ROBO2: variants seen among roughly 807,000 people sequenced by gnomAD.
ROBO2 encodes roundabout homolog 2.
In ROBO2, 53 loss-of-function variants were observed where a neutral mutation model predicts 160.8. The ratio of observed to expected loss-of-function variants is 0.33; its 90% CI spans 0.26 to 0.41. ROBO2 has a LOEUF of 0.41. Among genes scored for constraint, ROBO2 ranks in the 10% least tolerant of loss-of-function variants. The pLI is 1.00. For missense variants in ROBO2, 1,577 were observed against 1,722.4 expected (o/e 0.92, Z 1.49); for synonymous variants, 664 against 611.7 (o/e 1.09, Z -1.26).
chr3:76,806,216 T>TGC (rs2064699187), intron 2 of ROBO2, among the ~76,000 whole-genome samples: 1 of 146,094 alleles, frequency 6.8e-6, no homozygotes, highest in African/African-American at 2.5e-5. Flanking sequence ...TCTGTGTGCG[T>TGC]GTGTGTGTGT....
intron 2 of ROBO2, among the ~76,000 whole-genome samples, chr3:76,015,068 T>C (rs2066367295): frequency 6.6e-6 from 1 of 152,206 alleles, no homozygotes; most frequent in Non-Finnish European, 1.5e-5. Flanking sequence ...AAACCTGTTA[T>C]AGTCCAGTCT....
At chr3:76,199,341 A>T (rs1702410358) in intron 2 of ROBO2, among the ~76,000 whole-genome samples, 2 of 152,134 alleles carry the variant, frequency 1.3e-5, no homozygotes, top group South Asian at 4.1e-4. Context: ...AGCCAGCTAG[A>T]AAAATGGGTA....
intron 2 of ROBO2, chr3:76,310,964 C>G (rs904675275): frequency 6.6e-6 from 1 of 152,242 alleles, no homozygotes. Context: ...TTTCCCTTTT[C>G]TGCTGGACAC....
At chr3:76,000,787 G>T in intron 2 of ROBO2, among the ~76,000 whole-genome samples, 1 of 152,062 alleles carries the variant, frequency 6.6e-6, no homozygotes. Flanking sequence ...TTTTACTCTA[G>T]TATATTTAAT....
intron 2 of ROBO2, among the ~76,000 whole-genome samples, chr3:76,422,075 G>GT (rs2076019946): frequency 6.6e-6 from 1 of 152,190 alleles, no homozygotes; most frequent in Admixed American, 6.5e-5. Flanking sequence ...ACCTGACCCT[G>GT]TAGAGCAACA....
chr3:77,044,110 G>A (rs1285052462), intron 1 of ROBO2, among the ~76,000 whole-genome samples: 3 of 151,364 alleles, frequency 2.0e-5, no homozygotes, highest in Non-Finnish European at 2.9e-5. Context: ...TTGATGCTAC[G>A]CAACATGTGG....
chr3:77,037,072 G>A (rs1274710988), upstream of ROBO2, among the ~76,000 whole-genome samples: 2 of 152,014 alleles, frequency 1.3e-5, no homozygotes, highest in East Asian at 3.8e-4. Flanking sequence ...AGAAGGTAAT[G>A]TCTTTGTTCT....
At chr3:75,968,340 T>A (rs1451098313) in intron 2 of ROBO2, among the ~76,000 whole-genome samples, 3 of 151,582 alleles carry the variant, frequency 2.0e-5, no homozygotes, top group Non-Finnish European at 4.4e-5. Context: ...GTCTCCTTCC[T>A]CTGCTTATCT....
intron 2 of ROBO2, among the ~76,000 whole-genome samples, chr3:76,777,668 A>G (rs1039865910): frequency 2.0e-5 from 3 of 150,940 alleles, no homozygotes; most frequent in Non-Finnish European, 4.5e-5. Flanking sequence ...TTGATCTAAA[A>G]ATTGCACGTG....
At chr3:76,498,845 T>C (rs2080305507) in intron 2 of ROBO2, among the ~76,000 whole-genome samples, 2 of 152,016 alleles carry the variant, frequency 1.3e-5, no homozygotes, top group Admixed American at 1.3e-4. Context: ...CCCACCACCA[T>C]GCCTGGCTGA....
intron 2 of ROBO2, among the ~76,000 whole-genome samples, chr3:77,383,918 G>C (rs2073825619): frequency 1.3e-5 from 2 of 152,098 alleles, no homozygotes; most frequent in Non-Finnish European, 2.9e-5. Flanking sequence ...GACATTAACT[G>C]TATGTGTTTA....
rs1265955005 is a variant in ROBO2, at chr3:76,878,941, C to A, written c.110-219073C>A. 2.5e-4 allele frequency among the ~76,000 whole-genome samples: 38 copies of A among 151,632 alleles called. No homozygotes were observed. In the Admixed American group the frequency reaches 2.5e-3, roughly 10 times the overall value. ...GTATTTACAGAGAGAAATAGTACGG[C>A]TAAAGTTTCTAATATTAAAAAGAAA... On this transcript the variant is annotated intron_variant, in intron 2 of 26. Transcript: ENST00000487694.
At chr3:75,950,296 A>G (rs1392879043) in intron 2 of ROBO2, among the ~76,000 whole-genome samples, 1 of 152,136 alleles carries the variant, frequency 6.6e-6, no homozygotes, top group African/African-American at 2.4e-5. Flanking sequence ...TCCTCCTCAC[A>G]TTCCCAAATC....
At chr3:76,795,040 GTTATAT>G (rs2063598146) in intron 2 of ROBO2, among the ~76,000 whole-genome samples, 1 of 152,158 alleles carries the variant, frequency 6.6e-6, no homozygotes, top group Non-Finnish European at 1.5e-5. Context: ...GTGTATGAAA[GTTATAT>G]TTATATATAC....
At chr3:76,724,080 ACAT>A (rs1394314659) in intron 2 of ROBO2, among the ~76,000 whole-genome samples, 1 of 152,210 alleles carries the variant, frequency 6.6e-6, no homozygotes, top group East Asian at 1.9e-4. Context: ...TCTACCTCTG[ACAT>A]CATGAATTCC....
intron 1 of ROBO2, among the ~76,000 whole-genome samples, chr3:77,070,265 A>G (rs2067267390): frequency 6.6e-6 from 1 of 152,178 alleles, no homozygotes; most frequent in Non-Finnish European, 1.5e-5. Context: ...TAAGCCACTC[A>G]GTTTGTAATA....
intron 2 of ROBO2, among the ~76,000 whole-genome samples, chr3:76,985,575 G>GAAAAAAAAAAA (rs532632866): frequency 2.7e-4 from 7 of 26,358 alleles, no homozygotes; most frequent in African/African-American, 6.0e-4. Context: ...GACTCCGTCT[G>GAAAAAAAAAAA]AAAAAAAAAA....
chr3:77,358,372 T>C (rs1299864856), intron 2 of ROBO2, among the ~76,000 whole-genome samples: 3 of 152,176 alleles, frequency 2.0e-5, no homozygotes, highest in Admixed American at 1.3e-4. Context: ...TAGATTAGAT[T>C]GAGTGCACCT....
chr3:77,015,712 G>A (rs1559847751), intron 2 of ROBO2, among the ~76,000 whole-genome samples: 1 of 152,108 alleles, frequency 6.6e-6, no homozygotes, highest in Non-Finnish European at 1.5e-5. Flanking sequence ...TGAAAAGAAG[G>A]GCTATTCAAG....
Sources: gnomAD v4.1 joint callset for allele counts (sites outside exome capture counted in the v4.1 genomes callset) on GRCh38, gnomAD v4.1.1 for gene constraint, MANE v1.5 for transcripts, NCBI Gene and HGNC (gene_info 2026-07-23, HGNC 2026-07-21) for gene names.